Variants in MFSD6 observed in about 807,000 individuals in gnomAD.
The protein encoded by MFSD6 is major facilitator superfamily domain containing 6.
A neutral mutation model predicts 56.3 loss-of-function variants in MFSD6; 26 were observed. The observed-to-expected ratio is 0.46, with a 90% CI of 0.34 to 0.64. The LOEUF is 0.64. MFSD6 is among the 30% of genes least tolerant of loss of function. MFSD6 has a pLI of 0.01. For missense variants in MFSD6, 750 were observed against 986.2 expected (o/e 0.76, Z 3.21); for synonymous variants, 331 against 366.9 (o/e 0.90, Z 1.12).
rs553854259 is a variant in MFSD6 at position 190,487,408 on chromosome 2, A to G, written c.1631-1249A>G. 1.3e-4 allele frequency among the ~76,000 whole-genome samples: 20 copies of G among 152,340 alleles called. No homozygotes were observed. The East Asian group carries it at 3.7e-3, about 28-fold the overall frequency. On this transcript the variant is annotated intron_variant, in intron 4 of 7. Transcript: ENST00000392328. This position sits in a 1 kb window ranked among gnomAD's most constrained non-coding sequence, Gnocchi z 5.5. The stretch of plus-strand genomic sequence containing the variant: ...TCATTAACCCCACTTGTGGAATTAT[A>G]GCCAATGTAAATAATCTAAGGTATG...
At chr2:190,446,024 CA>C (rs1288237861) in intron 3 of MFSD6, among the ~76,000 whole-genome samples, 1 of 152,116 alleles carries the variant, frequency 6.6e-6, no homozygotes, top group African/African-American at 2.4e-5. Context: ...CTTGATCAAT[CA>C]AAGGGCATGA....
In MFSD6 at chr2:190,479,395, CAG is replaced by C. The variant is rs541331754; in HGVS notation, c.1631-9261_1631-9260del. 9.9e-4 allele frequency among the ~76,000 whole-genome samples: 150 copies of C among 152,250 alleles called. 2 individuals are homozygous for C. The highest frequency in any genetic ancestry group is 3.4e-3 in the African/African-American group (143 of 41,554). On this transcript the variant is annotated intron_variant, in intron 4 of 7. Coordinates refer to ENST00000392328, the MANE Select transcript of MFSD6 (RefSeq NM_017694.4). ...ATCTGCAGTGTATTTAAAAAAGAGACAGGGAGTCTACGTGCCTAAAAGCATTG... is the reference window on the plus strand; with the variant it reads ...ATCTGCAGTGTATTTAAAAAAGAGACGGAGTCTACGTGCCTAAAAGCATTG...
intron 4 of MFSD6, among the ~76,000 whole-genome samples, chr2:190,476,867 T>C (rs1386429908): frequency 6.6e-6 from 1 of 152,050 alleles, no homozygotes; most frequent in Non-Finnish European, 1.5e-5. Context: ...TGGAGTACTA[T>C]GCAGCCATAA....
At position 190,437,276 on chromosome 2, in the gene MFSD6, C is replaced by G. The variant is rs745470539; in HGVS notation, c.1247C>G (p.Ser416Cys). 1.9e-6 allele frequency: 3 copies of G among 1,614,200 alleles called. No homozygotes were observed. The East Asian group carries it at 6.7e-5, about 36-fold the overall frequency. The change falls in exon 3 of 8, where the codon TCT (serine) becomes TGT (cysteine). Residue 416 changes from serine to cysteine, a missense_variant. This residue lies in a region of MFSD6 where 376 missense variants were observed against 437.9 expected (regional missense o/e 0.86). Transcript: ENST00000392328. The surrounding 1 kb of genome is among the most constrained non-coding windows in gnomAD (Gnocchi z 5.9). Reference protein sequence around the residue: ...VEIPQVERNNSTESSEETPTT... With the variant: ...VEIPQVERNNCTESSEETPTT... The stretch of plus-strand genomic sequence containing the variant: ...ATCCCGCAGGTGGAAAGGAACAACT[C>G]TACAGAGTCCTCTGAGGAGACACCA...
intron 4 of MFSD6, among the ~76,000 whole-genome samples, chr2:190,476,126 C>T (rs1432996952): frequency 6.6e-6 from 1 of 152,102 alleles, no homozygotes; most frequent in African/African-American, 2.4e-5. Flanking sequence ...AAAACCTAGG[C>T]AATACCATTC....
Position 190,426,791 on chromosome 2 carries a change from A to G in MFSD6, c.-53-9186A>G, listed in dbSNP as rs916696023. 6.6e-6 allele frequency among the ~76,000 whole-genome samples: 1 copy of G among 152,034 alleles called. No homozygotes were observed. The highest frequency in any genetic ancestry group is 1.5e-5 in the Non-Finnish European group (1 of 68,008). The stretch of plus-strand genomic sequence containing the variant: ...TTCTTGGTGTGACGAATGATTTTTT[A>G]TTGAAAGCAAGATGTTTTGGGTATT... On this transcript the variant is annotated intron_variant, in intron 2 of 7. Transcript: ENST00000392328. This position sits in a 1 kb window ranked among gnomAD's most constrained non-coding sequence, Gnocchi z 4.7.
intron 3 of MFSD6, among the ~76,000 whole-genome samples, chr2:190,446,624 A>G (rs1686594261): frequency 2.6e-5 from 4 of 152,196 alleles, no homozygotes. Context: ...AGGCACATTC[A>G]TTTATAAAGA....
chr2:190,414,849 TA>T (rs1181690685), intron 1 of MFSD6, among the ~76,000 whole-genome samples: 1 of 152,234 alleles, frequency 6.6e-6, no homozygotes, highest in African/African-American at 2.4e-5. Context: ...GTGTCATTTT[TA>T]TCGAGTCTTT....
chr2:190,423,299 T>C lies in MFSD6; in HGVS notation c.-54+7886T>C, dbSNP rs73979245. On this transcript the variant is annotated intron_variant, in intron 2 of 7. Transcript: ENST00000392328. This position sits in a 1 kb window ranked among gnomAD's most constrained non-coding sequence, Gnocchi z 4.3. ...CTCTACTTCCCTCCTGTCCCCACTC[T>C]CTAGTGAATTCCTGGCAATCACCTG... Among the ~76,000 whole-genome samples the C allele has an allele frequency of 6.6e-6, 1 of 152,340 alleles. No homozygotes were observed. Among genetic ancestry groups the C allele is most frequent in the African/African-American group, 2.4e-5 (1 of 41,586 alleles).
intron 4 of MFSD6, among the ~76,000 whole-genome samples, chr2:190,483,944 A>G (rs1262177562): frequency 1.3e-5 from 2 of 151,972 alleles, no homozygotes; most frequent in Non-Finnish European, 2.9e-5. Context: ...AAGTCTTGGC[A>G]GTAGGTAGTG....
intron 4 of MFSD6, chr2:190,477,349 TAC>T (rs1428286900): frequency 1.0e-6 from 1 of 984,038 alleles, no homozygotes; most frequent in African/African-American, 1.7e-5. Context: ...ATTGGTATGC[TAC>T]AGTGTGCAGA....
rs1690659081 is a variant in MFSD6 at position 190,413,674 on chromosome 2, C to CA, written c.-175-1618_-175-1617insA. On this transcript the variant is annotated intron_variant, in intron 1 of 7. Transcript: ENST00000392328. This position sits in a 1 kb window ranked among gnomAD's most constrained non-coding sequence, Gnocchi z 4.1. ...AAGCCCGATGTGTGGGTTAACCGTGCCAAAGGAAAGTGAGTGGCGAGCCTG... is the reference window on the plus strand; with the variant it reads ...AAGCCCGATGTGTGGGTTAACCGTGCACAAAGGAAAGTGAGTGGCGAGCCTG... Among the ~76,000 whole-genome samples, 1 of 152,084 alleles carries CA rather than the reference C, an allele frequency of 6.6e-6. No individual in the cohort carries two copies. Among genetic ancestry groups the CA allele is most frequent in the Non-Finnish European group, 1.5e-5 (1 of 68,028 alleles).
chr2:190,489,678 T>C lies in MFSD6; in HGVS notation c.1793-90T>C. 3 of 1,233,850 alleles carry C rather than the reference T, an allele frequency of 2.4e-6. No individual in the cohort carries two copies. Among genetic ancestry groups the C allele is most frequent in the Non-Finnish European group, 3.4e-6 (3 of 881,398 alleles). 76.4% of individuals were successfully genotyped at this position (1,233,850 alleles called of 1,614,324 possible). A position where few individuals can be genotyped will look rare whatever the true frequency, so the allele number is the denominator to read the frequency against. ...TGGTTTGTCTCAAGCTGTGCTTCCT[T>C]TGCTTTGATCTTTAGAAAACTGATG... On this transcript the variant is annotated intron_variant, in intron 5 of 7. Coordinates refer to ENST00000392328, the MANE Select transcript of MFSD6 (RefSeq NM_017694.4). The surrounding 1 kb of genome is among the most constrained non-coding windows in gnomAD (Gnocchi z 6.6).
At position 190,416,556 on chromosome 2, in the gene MFSD6, G is replaced by A. The variant is rs1466954385; in HGVS notation, c.-54+1143G>A. Reference sequence around the variant, plus strand: ...AGGCTGTAGACATGAAAACAGACATGAACATAAATTCATGAGCACAGATGG... The same window carrying A: ...AGGCTGTAGACATGAAAACAGACATAAACATAAATTCATGAGCACAGATGG... On this transcript the variant is annotated intron_variant, in intron 2 of 7. Coordinates refer to ENST00000392328, the MANE Select transcript of MFSD6 (RefSeq NM_017694.4). This position sits in a 1 kb window ranked among gnomAD's most constrained non-coding sequence, Gnocchi z 4.1. Among the ~76,000 whole-genome samples, 1 of 152,158 alleles carries A rather than the reference G, an allele frequency of 6.6e-6. No individual in the cohort carries two copies. The highest frequency in any genetic ancestry group is 2.4e-5 in the African/African-American group (1 of 41,440).
At position 190,434,326 on chromosome 2, in the gene MFSD6, A is replaced by G. The variant is rs114498828; in HGVS notation, c.-53-1651A>G. 0.01 allele frequency among the ~76,000 whole-genome samples: 1,580 copies of G among 152,320 alleles called. 27 individuals carry two copies. The highest frequency in any genetic ancestry group is 0.035 in the African/African-American group (1,460 of 41,570). On this transcript the variant is annotated intron_variant, in intron 2 of 7. Coordinates refer to ENST00000392328, the MANE Select transcript of MFSD6 (RefSeq NM_017694.4). This position sits in a 1 kb window ranked among gnomAD's most constrained non-coding sequence, Gnocchi z 4.3. The stretch of plus-strand genomic sequence containing the variant: ...GACCTTTTGACACTTTAATCATTCA[A>G]TCTTTAATAGAAGAAAGGGAAATTC...
At position 190,458,772 on chromosome 2, in the gene MFSD6, G is replaced by C. The variant is rs1307288132; in HGVS notation, c.1533-10986G>C. Among the ~76,000 whole-genome samples, 1 of 152,198 alleles carries C rather than the reference G, an allele frequency of 6.6e-6. No individual in the cohort carries two copies. Among genetic ancestry groups the C allele is most frequent in the Non-Finnish European group, 1.5e-5 (1 of 68,038 alleles). ...GGGGACTGTATTGTCCAATTGAGAA[G>C]TCCAGCAAATGACCAGAGGTGTAGC... On this transcript the variant is annotated intron_variant, in intron 3 of 7. Coordinates refer to ENST00000392328, the MANE Select transcript of MFSD6 (RefSeq NM_017694.4). The surrounding 1 kb of genome is among the most constrained non-coding windows in gnomAD (Gnocchi z 5.3).
rs1302172932 is a variant in MFSD6 at position 190,462,521 on chromosome 2, A to G, written c.1533-7237A>G. On this transcript the variant is annotated intron_variant, in intron 3 of 7. Coordinates refer to ENST00000392328, the MANE Select transcript of MFSD6 (RefSeq NM_017694.4). This position sits in a 1 kb window ranked among gnomAD's most constrained non-coding sequence, Gnocchi z 5.7. Reference sequence around the variant, plus strand: ...TTATGGATTCATGGAGTGCCTGAGCAAGGCAGGCTCTTTTTGAGTACAAAG... The same window carrying G: ...TTATGGATTCATGGAGTGCCTGAGCGAGGCAGGCTCTTTTTGAGTACAAAG... Among the ~76,000 whole-genome samples the G allele has an allele frequency of 6.6e-6, 1 of 152,226 alleles. No homozygotes were observed. The highest frequency in any genetic ancestry group is 1.5e-5 in the Non-Finnish European group (1 of 68,038).
chr2:190,480,419 A>G (rs907252074), intron 4 of MFSD6, among the ~76,000 whole-genome samples: 5 of 152,232 alleles, frequency 3.3e-5, no homozygotes, highest in Non-Finnish European at 5.9e-5. Flanking sequence ...TTTGAATGAT[A>G]TAAGAAATTC....
chr2:190,473,391 G>C (rs978895136), intron 4 of MFSD6, among the ~76,000 whole-genome samples: 2 of 152,108 alleles, frequency 1.3e-5, no homozygotes, highest in Non-Finnish European at 2.9e-5. Flanking sequence ...GATGGAGGAA[G>C]ATCTACCAAG....
Sources: allele counts gnomAD v4.1 joint callset (sites outside exome capture counted in the v4.1 genomes callset), GRCh38; gene constraint gnomAD v4.1.1; regional missense constraint gnomAD v4.1.1; non-coding constraint Gnocchi (gnomAD v3.1); transcripts MANE v1.5; gene names NCBI Gene and HGNC (gene_info 2026-07-23, HGNC 2026-07-21).